The following KCNC3 variants were observed in gnomAD, a reference collection of about 807,000 sequenced individuals.
KCNC3 encodes potassium voltage-gated channel subfamily C member 3.
In KCNC3, 22 loss-of-function variants were observed where a neutral mutation model predicts 43.9. The ratio of observed to expected loss-of-function variants is 0.50; its 90% CI spans 0.36 to 0.72. The LOEUF (loss-of-function observed/expected upper bound fraction) is 0.72. Ranked by LOEUF, KCNC3 falls within the 30% of genes least tolerant of loss-of-function variation. KCNC3 has a pLI of 0.00. For synonymous variants in KCNC3, 492 were observed against 488.0 expected, an observed-to-expected ratio of 1.01 and a Z score of -0.11; for missense variants, 829 against 1,073.8, an observed-to-expected ratio of 0.77 and a Z score of 3.19.
rs1331849355 is a variant in KCNC3, at chr19:50,314,830, C to T, written c.*1285G>A. 2.8e-6 allele frequency: 1 copy of T among 361,384 alleles called. No homozygotes were observed. The highest frequency in any genetic ancestry group is 1.1e-4 in the East Asian group (1 of 8,900). The allele number at this position is 361,384 out of a possible 1,614,324, so 22.4% of individuals were successfully genotyped here. On this transcript the variant is annotated 3_prime_UTR_variant, in exon 5 of 5. Coordinates refer to ENST00000477616, the MANE Select transcript of KCNC3 (RefSeq NM_004977.3). The stretch of plus-strand genomic sequence containing the variant: ...ACCTTCTTCCCGGTCACCCCCGAGT[C>T]CCCCCACAGGGGGGAGGGGAGCGCT...
Position 50,323,091 on chromosome 19 carries a change from G to A in KCNC3, c.1862C>T (p.Pro621Leu), listed in dbSNP as rs2037054778. ...GAYPAGPHTH[P>L]GLLRGGAGGL... is the part of the protein sequence containing the mutation. ...ACCCGCTCCCCCCCTGAGCAGCCCG[G>A]GGTGCGTGTGGGGCCCCGCTGGGTA... Residue 621 changes from proline to leucine, a missense_variant, in exon 2 of 5, where the codon CCC becomes CTC. Physicochemically the swap from Pro to Leu is moderately conservative, Grantham distance 98 (BLOSUM62 -3). Coordinates refer to ENST00000477616, the MANE Select transcript of KCNC3 (RefSeq NM_004977.3). 3 of 1,540,148 alleles carry A rather than the reference G, an allele frequency of 1.9e-6. No homozygotes were observed. The highest frequency in any genetic ancestry group is 2.6e-6 in the Non-Finnish European group (3 of 1,144,526).
chr19:50,333,127 T>C (rs558080472), upstream of KCNC3, among the ~76,000 whole-genome samples: 7 of 152,192 alleles, frequency 4.6e-5, no homozygotes, highest in South Asian at 1.0e-3. Context: ...TCTCCAAAAC[T>C]AGGATTCGGG....
rs1489041787 is a variant in KCNC3 at position 50,323,040 on chromosome 19, G to A, written c.1913C>T (p.Pro638Leu). ...AGGLGIMGLP[P>L]LPAPGEPCPL... is the part of the protein sequence containing the mutation. ...GCAAGGCTCGCCGGGGGCTGGCAGA[G>A]GAGGCAGCCCCATGATCCCCAGCCC... is the stretch of plus-strand genomic sequence containing the variant. The change falls in exon 2 of 5, where the codon CCT becomes CTT. Residue 638 changes from proline (P) to leucine (L), a missense_variant. This residue lies in a region of KCNC3 where 308 missense variants were observed against 276.2 expected (regional missense o/e 1.11). Coordinates refer to ENST00000477616, the MANE Select transcript of KCNC3 (RefSeq NM_004977.3). The A allele has an allele frequency of 2.6e-6, 4 of 1,544,352 alleles. No homozygotes were observed. Among genetic ancestry groups the A allele is most frequent in the African/African-American group, 1.4e-5 (1 of 72,954 alleles).
rs990091211 is a variant in KCNC3, at chr19:50,328,928, G to A, written c.155C>T (p.Pro52Leu). ...CCCGCGGGGTGCCGGGGGGCCCGCC[G>A]GGGACGCGGCGGGGCCGGGCTGCGC... ...QPAQPGPAAS[P>L]AGPPAPRGPG... The change falls in exon 1 of 5, where the codon CCG becomes CTG. Residue 52 changes from proline (P) to leucine (L), a missense_variant. Coordinates refer to ENST00000477616, the MANE Select transcript of KCNC3 (RefSeq NM_004977.3). 132 of 855,916 alleles carry A rather than the reference G, an allele frequency of 1.5e-4. No individual in the cohort carries two copies. The highest frequency in any genetic ancestry group is 1.8e-4 in the Non-Finnish European group (129 of 713,198). The allele number at this position is 855,916 out of a possible 1,614,324, so 53.0% of individuals were successfully genotyped here. A position where few individuals can be genotyped will look rare whatever the true frequency, so the allele number is the denominator to read the frequency against.
upstream of KCNC3, among the ~76,000 whole-genome samples, chr19:50,330,951 G>A (rs988147422): frequency 6.6e-6 from 1 of 152,040 alleles, no homozygotes; most frequent in African/African-American, 2.4e-5. Context: ...GGGAGCGAAG[G>A]GGGCGGGTCA....
rs1568570608 is a variant in KCNC3 at position 50,320,629 on chromosome 19, CG to C, written c.2133del (p.Asp712ThrfsTer60). ...YSRDRACFLL[T>X]DYAPSPDGSI... Reference sequence around the variant, plus strand: ...GAGCCATCAGGGGAAGGGGCATAGTCGGTGAGGAGGAAGCAGGCTCGGTCCC... The same window carrying C: ...GAGCCATCAGGGGAAGGGGCATAGTCGTGAGGAGGAAGCAGGCTCGGTCCC... On this transcript the variant is annotated frameshift_variant, in exon 3 of 5. Coordinates refer to ENST00000477616, the MANE Select transcript of KCNC3 (RefSeq NM_004977.3). LOFTEE classifies it high-confidence loss of function. The C allele has an allele frequency of 1.2e-6, 2 of 1,612,774 alleles. No homozygotes were observed. The highest frequency in any genetic ancestry group is 1.7e-6 in the Non-Finnish European group (2 of 1,179,822).
At position 50,313,498 on chromosome 19, in the gene KCNC3, C is replaced by T. The variant is rs2036906634; in HGVS notation, c.*2617G>A. 1 of 152,210 alleles carries T rather than the reference C, an allele frequency of 6.6e-6. No homozygotes were observed. The highest frequency in any genetic ancestry group is 2.4e-5 in the African/African-American group (1 of 41,444). 9.4% of individuals were successfully genotyped at this position (152,210 alleles called of 1,614,324 possible). On this transcript the variant is annotated 3_prime_UTR_variant, in exon 5 of 5. Coordinates refer to ENST00000477616, the MANE Select transcript of KCNC3 (RefSeq NM_004977.3). ...CACCACCAAAGGTACAAATACAACC[C>T]TCTGGGAAACACTGGTGTCTGTGAA...
chr19:50,316,195 A>G (rs1416318158), intron 4 of KCNC3, 104 bp from the exon 5 acceptor site: 2 of 356,400 alleles, frequency 5.6e-6, no homozygotes, highest in African/African-American at 2.1e-5. Context: ...CGCCGCCGGG[A>G]TCATTTCCTC....
Position 50,315,813 on chromosome 19 carries a change from A to G in KCNC3, c.*302T>C, listed in dbSNP as rs1244781375. 1 of 230,928 alleles carries G rather than the reference A, an allele frequency of 4.3e-6. No homozygotes were observed. Among genetic ancestry groups the G allele is most frequent in the African/African-American group, 2.3e-5 (1 of 43,694 alleles). 14.3% of individuals were successfully genotyped at this position (230,928 alleles called of 1,614,324 possible). On this transcript the variant is annotated 3_prime_UTR_variant, in exon 5 of 5. Transcript: ENST00000477616. ...GGCTCTCACAGGCATCTCACAGCTA[A>G]TGGGACTCAAGATCCAGCAACAGTG...
chr19:50,318,903 C>A (rs1216733804), intron 4 of KCNC3, among the ~76,000 whole-genome samples: 1 of 150,814 alleles, frequency 6.6e-6, no homozygotes, highest in Admixed American at 6.6e-5. Flanking sequence ...ATAGCGAGAC[C>A]CCAACACTTG....
intron 1 of KCNC3, among the ~76,000 whole-genome samples, chr19:50,325,872 A>C (rs926707880): frequency 9.9e-5 from 15 of 151,352 alleles, no homozygotes; most frequent in African/African-American, 3.4e-4. Context: ...TTCCGGCGGG[A>C]GGCCAAGGGC....
chr19:50,321,651 T>C (rs1181815716), intron 2 of KCNC3, among the ~76,000 whole-genome samples: 1 of 151,940 alleles, frequency 6.6e-6, no homozygotes, highest in Admixed American at 6.6e-5. Context: ...GCGCCTGTAA[T>C]CCCAGCTACT....
At chr19:50,330,391 A>T (rs1034782428), upstream of KCNC3, among the ~76,000 whole-genome samples, 6 of 152,122 alleles carry the variant, frequency 3.9e-5, no homozygotes, top group African/African-American at 4.8e-5. Flanking sequence ...GGGCAGGGCT[A>T]AGGGAGGGTA....
At chr19:50,329,993 G>A (rs1601104555), upstream of KCNC3, among the ~76,000 whole-genome samples, 1 of 152,288 alleles carries the variant, frequency 6.6e-6, no homozygotes, top group Middle Eastern at 3.4e-3. Context: ...GAGGCAGGGC[G>A]CAGTGGCTCA....
chr19:50,322,951 C>A, intron 2 of KCNC3, 24 bp downstream of exon 2: 3 of 1,550,074 alleles, frequency 1.9e-6, no homozygotes, highest in Middle Eastern at 1.9e-4. Context: ...ACCTGTGCCC[C>A]CGATCCCTGA....
At position 50,312,734 on chromosome 19, in the gene KCNC3, AC is replaced by A. The variant is rs1195975208; in HGVS notation, c.*3380del. 1 of 151,902 alleles carries A rather than the reference AC, an allele frequency of 6.6e-6. No individual in the cohort carries two copies. Among genetic ancestry groups the A allele is most frequent in the Non-Finnish European group, 1.5e-5 (1 of 67,970 alleles). The allele number at this position is 151,902 out of a possible 1,614,324, so 9.4% of individuals were successfully genotyped here. ...TCAGTACCCTTTGGAAAAGACCCTC[AC>A]CCCCTTTCCCCGCCTCCTTCGGCTT... On this transcript the variant is annotated 3_prime_UTR_variant, in exon 5 of 5. Transcript: ENST00000477616.
Position 50,320,237 on chromosome 19 carries a change from G to A in KCNC3, c.*9C>T. On this transcript the variant is annotated 3_prime_UTR_variant, in exon 4 of 5. Transcript: ENST00000477616. ...GGGCTACTTACCCCGGGGGGAGGGG[G>A]TTCGTCCACTAGGGGGATATCCAGG... The A allele has an allele frequency of 3.7e-6, 2 of 545,082 alleles. No individual in the cohort carries two copies. The highest frequency in any genetic ancestry group is 5.4e-6 in the Non-Finnish European group (2 of 370,314). The allele number at this position is 545,082 out of a possible 1,614,324, so 33.8% of individuals were successfully genotyped here.
chr19:50,329,096 G>C lies in KCNC3; in HGVS notation c.-14C>G. On this transcript the variant is annotated 5_prime_UTR_variant, in exon 1 of 5. Coordinates refer to ENST00000477616, the MANE Select transcript of KCNC3 (RefSeq NM_004977.3). ...TGAGCTCAGCATTGGACGGGGGGCG[G>C]GGCGGGAGGGGCGGGGACGCAGGGG... The C allele has an allele frequency of 1.6e-6, 1 of 607,842 alleles. No homozygotes were observed. The highest frequency in any genetic ancestry group is 2.5e-6 in the Non-Finnish European group (1 of 402,658). The allele number at this position is 607,842 out of a possible 1,614,324, so 37.7% of individuals were successfully genotyped here.
chr19:50,325,758 C>T (rs956778038), intron 1 of KCNC3, among the ~76,000 whole-genome samples: 4 of 152,048 alleles, frequency 2.6e-5, no homozygotes, highest in Non-Finnish European at 5.9e-5. Flanking sequence ...CGGCCAGTAC[C>T]GCGGACAGCT....
Sources: gnomAD v4.1 joint callset for allele counts (sites outside exome capture counted in the v4.1 genomes callset) on GRCh38, gnomAD v4.1.1 for gene constraint, gnomAD v4.1.1 regional missense constraint, MANE v1.5 for transcripts, NCBI Gene and HGNC (gene_info 2026-07-23, HGNC 2026-07-21) for gene names.